Variants in GRHL2 observed in about 807,000 individuals in gnomAD.
GRHL2 encodes the protein grainyhead-like protein 2 homolog.
GRHL2 carries 21 observed loss-of-function variants against 83.8 expected under a neutral mutation model. The ratio of observed to expected loss-of-function variants is 0.25; its 90% CI spans 0.18 to 0.36. The LOEUF (loss-of-function observed/expected upper bound fraction) is 0.36, where lower values mean the gene tolerates loss of function less well. GRHL2 is among the 10% of genes least tolerant of loss of function. The pLI is 1.00. For synonymous variants in GRHL2, 280 were observed against 278.9 expected, an observed-to-expected ratio of 1.00 and a Z score of -0.04; for missense variants, 623 against 781.8, an observed-to-expected ratio of 0.80 and a Z score of 2.42.
At chr8:101,585,346 T>C (rs971597990) in intron 7 of GRHL2, among the ~76,000 whole-genome samples, 1 of 152,244 alleles carries the variant, frequency 6.6e-6, no homozygotes, top group Non-Finnish European at 1.5e-5. Flanking sequence ...CTAGGCTGTT[T>C]CCATACTTCT....
At chr8:101,509,982 AT>A (rs1810431031) in intron 1 of GRHL2, among the ~76,000 whole-genome samples, 4 of 152,030 alleles carry the variant, frequency 2.6e-5, no homozygotes, top group Admixed American at 2.6e-4. Context: ...TGTATTGCAT[AT>A]TTTTATTTAT....
At chr8:101,662,296 G>C (rs910376694) in intron 14 of GRHL2, among the ~76,000 whole-genome samples, 1 of 152,220 alleles carries the variant, frequency 6.6e-6, no homozygotes, top group Non-Finnish European at 1.5e-5. Context: ...TCTCATCAGT[G>C]ATGGATTAGT....
chr8:101,577,972 AC>A (rs1214693043), intron 7 of GRHL2, among the ~76,000 whole-genome samples: 3 of 152,174 alleles, frequency 2.0e-5, no homozygotes, highest in African/African-American at 7.2e-5. Flanking sequence ...CCATTTCAAC[AC>A]ATGCCTAGTG....
At chr8:101,518,767 T>A (rs561587859) in intron 1 of GRHL2, among the ~76,000 whole-genome samples, 5 of 152,226 alleles carry the variant, frequency 3.3e-5, no homozygotes, top group Non-Finnish European at 7.3e-5. Context: ...GTTCTTTCCA[T>A]CTCTGCTAAA....
chr8:101,564,273 G>A (rs1811667846), intron 4 of GRHL2, among the ~76,000 whole-genome samples: 1 of 152,130 alleles, frequency 6.6e-6, no homozygotes, highest in Non-Finnish European at 1.5e-5. Flanking sequence ...ATAAGATTAA[G>A]TGATTTCAGA....
At chr8:101,603,744 T>A (rs1251263690) in intron 8 of GRHL2, among the ~76,000 whole-genome samples, 1 of 152,138 alleles carries the variant, frequency 6.6e-6, no homozygotes, top group Admixed American at 6.5e-5. Flanking sequence ...TCCAACAGGA[T>A]CAGCTTTTGC....
chr8:101,540,694 A>G (rs1295233004), intron 1 of GRHL2, among the ~76,000 whole-genome samples: 2 of 152,220 alleles, frequency 1.3e-5, no homozygotes, highest in East Asian at 3.8e-4. Flanking sequence ...TTTCATTGTG[A>G]GTTCACGCCA....
intron 7 of GRHL2, among the ~76,000 whole-genome samples, chr8:101,584,916 T>C (rs1812132118): frequency 6.6e-6 from 1 of 150,722 alleles, no homozygotes; most frequent in Non-Finnish European, 1.5e-5. Context: ...GCCAGGTAGC[T>C]AGGTGACCAG....
At chr8:101,509,170 CTTTT>C (rs775024339) in intron 1 of GRHL2, among the ~76,000 whole-genome samples, 4 of 69,746 alleles carry the variant, frequency 5.7e-5, no homozygotes, top group African/African-American at 1.7e-4. Flanking sequence ...TTCTTTCTTT[CTTTT>C]TCTTTCTTTC....
At chr8:101,606,275 A>G (rs1011843543) in intron 8 of GRHL2, among the ~76,000 whole-genome samples, 1 of 152,224 alleles carries the variant, frequency 6.6e-6, no homozygotes, top group East Asian at 1.9e-4. Context: ...CTTCAAATGC[A>G]TTGGATTTAC....
At chr8:101,617,505 T>C (rs1812879583) in intron 8 of GRHL2, among the ~76,000 whole-genome samples, 1 of 152,142 alleles carries the variant, frequency 6.6e-6, no homozygotes, top group African/African-American at 2.4e-5. Context: ...AAGGCTTTTA[T>C]TTTATTTATT....
chr8:101,497,893 G>A (rs1033531252), intron 1 of GRHL2, among the ~76,000 whole-genome samples: 1 of 152,160 alleles, frequency 6.6e-6, no homozygotes, highest in African/African-American at 2.4e-5. Context: ...GACTTCTTAG[G>A]CCTGCCCTAG....
intron 14 of GRHL2, among the ~76,000 whole-genome samples, chr8:101,652,536 T>TGTGTGTGGTGTTTGTGTGTG (rs1813683190): frequency 2.6e-5 from 1 of 39,068 alleles, no homozygotes; most frequent in African/African-American, 1.4e-4. Context: ...GTGTGTGGTG[T>TGTGTGTGGTGTTTGTGTGTG]GTGTGTGTGT....
rs1195818724 is a variant in GRHL2, at chr8:101,492,808, C to A, written c.20+19C>A. ...CGGACAAGTAAGTGGATCACACGCG[C>A]CGGCTGCTGCTACTACTACCACTTT... is the stretch of plus-strand genomic sequence containing the variant. On this transcript the variant is annotated intron_variant, in intron 1 of 15. Coordinates refer to ENST00000646743, the MANE Select transcript of GRHL2 (RefSeq NM_024915.4). 1 of 1,613,206 alleles carries A rather than the reference C, an allele frequency of 6.2e-7. No homozygotes were observed.
chr8:101,611,212 T>C (rs888402000), intron 8 of GRHL2, among the ~76,000 whole-genome samples: 5 of 151,326 alleles, frequency 3.3e-5, no homozygotes, highest in Admixed American at 3.3e-4. Flanking sequence ...TCCTTGCCTA[T>C]GTGCACGAAT....
In GRHL2 at chr8:101,612,512, G is replaced by C. The variant is rs1362009486; in HGVS notation, c.1099-7027G>C. On this transcript the variant is annotated intron_variant, in intron 8 of 15. Transcript: ENST00000646743. ...AGATAGATAGATAGATAGATAGATA[G>C]ATAGATAGATACATACATACATACA... Among the ~76,000 whole-genome samples, 839 of 121,558 alleles carry C rather than the reference G, an allele frequency of 6.9e-3. 27 individuals carry two copies. The highest frequency in any genetic ancestry group is 0.059 in the East Asian group (239 of 4,018). 79.7% of individuals were successfully genotyped at this position (121,558 alleles called of 152,430 possible). A position where few individuals can be genotyped will look rare whatever the true frequency, so the allele number is the denominator to read the frequency against.
At chr8:101,561,843 C>T (rs552682644) in intron 4 of GRHL2, among the ~76,000 whole-genome samples, 2 of 152,296 alleles carry the variant, frequency 1.3e-5, no homozygotes, top group South Asian at 4.1e-4. Flanking sequence ...AATCTAACAT[C>T]TGTAATATCT....
chr8:101,616,099 TTCTTTCTTTCTTTCTTCC>T (rs918584481), intron 8 of GRHL2, among the ~76,000 whole-genome samples: 1 of 143,778 alleles, frequency 7.0e-6, no homozygotes, highest in African/African-American at 2.6e-5. Context: ...TCTTTCTTTC[TTCTTTCTTTCTTTCTTCC>T]TCTTTCTTTC....
rs773267486 is a variant in GRHL2 at position 101,666,620 on chromosome 8, G to A, written c.1795G>A (p.Glu599Lys). 1.9e-6 allele frequency: 3 copies of A among 1,612,752 alleles called. No homozygotes were observed. The highest frequency in any genetic ancestry group is 2.5e-6 in the Non-Finnish European group (3 of 1,178,886). Residue 599 changes from glutamate to lysine, a missense_variant, in exon 16 of 16, where the codon GAG (glutamate) becomes AAG (lysine). Around this residue, in one of 8 missense-constraint regions of GRHL2, gnomAD observed 210 missense variants for 254.8 expected, o/e 0.82. Transcript: ENST00000646743. ...GGTGAACATGGATGACAACATCATC[G>A]AGCACTACTCGAACGAGGACACCTT... ...ILVNMDDNII[E>K]HYSNEDTFIL...
Sources: allele counts gnomAD v4.1 joint callset (sites outside exome capture counted in the v4.1 genomes callset), GRCh38; gene constraint gnomAD v4.1.1; regional missense constraint gnomAD v4.1.1; transcripts MANE v1.5; gene names NCBI Gene and HGNC (gene_info 2026-07-23, HGNC 2026-07-21).